Variants in MKLN1 observed in about 807,000 individuals in gnomAD.
MKLN1 encodes muskelin.
Under a neutral mutation model 99.0 loss-of-function variants are expected in MKLN1, and 18 were observed. The observed-to-expected ratio is 0.18, with a 90% CI of 0.13 to 0.27. The LOEUF is 0.27. Ranked by LOEUF, MKLN1 falls within the 10% of genes least tolerant of loss-of-function variation. MKLN1 has a pLI of 1.00. For synonymous variants in MKLN1, 288 were observed against 293.2 expected, an observed-to-expected ratio of 0.98 and a Z score of 0.18; for missense variants, 621 against 875.9, an observed-to-expected ratio of 0.71 and a Z score of 3.67.
At chr7:131,110,097 A>G, upstream of MKLN1, 1 of 282,546 alleles carries the variant, frequency 3.5e-6, no homozygotes, top group South Asian at 2.9e-5. Context: ...GAGGGGAGGA[A>G]CCTGATCCTC....
intron 3 of MKLN1, among the ~76,000 whole-genome samples, chr7:131,250,365 C>A (rs1330120961): frequency 6.6e-6 from 1 of 152,160 alleles, no homozygotes. Flanking sequence ...CCCCCGGTGT[C>A]CCCTAAAGGA....
At chr7:131,300,613 A>G (rs1203304230) in intron 3 of MKLN1, among the ~76,000 whole-genome samples, 1 of 150,528 alleles carries the variant, frequency 6.6e-6, no homozygotes, top group African/African-American at 2.4e-5. Flanking sequence ...CTTGAACTCC[A>G]GAGAAAGAGA....
intron 1 of MKLN1, among the ~76,000 whole-genome samples, chr7:131,333,520 G>A (rs1307247727): frequency 1.3e-5 from 2 of 152,104 alleles, no homozygotes; most frequent in Non-Finnish European, 2.9e-5. Context: ...TGAGTCATGA[G>A]GTAGTTTTGC....
intron 1 of MKLN1, among the ~76,000 whole-genome samples, chr7:131,345,833 C>A (rs1799543408): frequency 6.6e-6 from 1 of 152,144 alleles, no homozygotes; most frequent in Non-Finnish European, 1.5e-5. Context: ...CTTTGAGAAT[C>A]GTATCTAATA....
chr7:131,280,629 C>T (rs1211664332), intron 3 of MKLN1, among the ~76,000 whole-genome samples: 2 of 147,080 alleles, frequency 1.4e-5, no homozygotes, highest in African/African-American at 4.9e-5. Flanking sequence ...ATTATTCATC[C>T]ATGTTTTTTT....
chr7:131,253,420 G>C (rs1318758527), intron 3 of MKLN1, among the ~76,000 whole-genome samples: 1 of 152,198 alleles, frequency 6.6e-6, no homozygotes, highest in Non-Finnish European at 1.5e-5. Context: ...GCAGCCAAGA[G>C]GTGGGTGATC....
At chr7:131,433,717 A>G (rs182177828) in intron 9 of MKLN1, among the ~76,000 whole-genome samples, 5 of 151,984 alleles carry the variant, frequency 3.3e-5, no homozygotes, top group Admixed American at 2.0e-4. Flanking sequence ...TTCTTAACCA[A>G]TATGACACTC....
intron 3 of MKLN1, among the ~76,000 whole-genome samples, chr7:131,287,924 A>G (rs1798157251): frequency 6.6e-6 from 1 of 152,088 alleles, no homozygotes; most frequent in Admixed American, 6.5e-5. Context: ...CGCCATGTGA[A>G]GAAGGTCCTT....
intron 17 of MKLN1, among the ~76,000 whole-genome samples, chr7:131,479,643 A>G (rs1282717119): frequency 1.3e-5 from 2 of 151,194 alleles, no homozygotes; most frequent in East Asian, 3.9e-4. Flanking sequence ...TGGCTAACAC[A>G]GTGAAACCCC....
At chr7:131,393,803 T>C (rs1364195158) in intron 4 of MKLN1, among the ~76,000 whole-genome samples, 1 of 152,120 alleles carries the variant, frequency 6.6e-6, no homozygotes, top group Non-Finnish European at 1.5e-5. Flanking sequence ...TTTTAATTTT[T>C]TTTTGTAGAG....
At chr7:131,432,132 C>T (rs1411511771) in intron 9 of MKLN1, among the ~76,000 whole-genome samples, 1 of 152,092 alleles carries the variant, frequency 6.6e-6, no homozygotes, top group East Asian at 1.9e-4. Context: ...GAATCATATT[C>T]TTTAAAATGT....
At chr7:131,286,599 A>G (rs1798135725) in intron 3 of MKLN1, among the ~76,000 whole-genome samples, 1 of 152,234 alleles carries the variant, frequency 6.6e-6, no homozygotes, top group African/African-American at 2.4e-5. Flanking sequence ...ACAGATGGAC[A>G]AATGGAAGGT....
intron 4 of MKLN1, among the ~76,000 whole-genome samples, chr7:131,389,187 T>C (rs1794121349): frequency 6.6e-6 from 1 of 152,172 alleles, no homozygotes; most frequent in Admixed American, 6.5e-5. Context: ...CCCCTTAAAT[T>C]TACTCTTTGG....
At position 131,354,667 on chromosome 7, in the gene MKLN1, G is replaced by A. The variant is rs185567931; in HGVS notation, c.99-20757G>A. Among the ~76,000 whole-genome samples the A allele has an allele frequency of 3.3e-3, 499 of 152,206 alleles. 3 individuals carry two copies. Among genetic ancestry groups the A allele is most frequent in the African/African-American group, 9.6e-3 (398 of 41,512 alleles). The stretch of plus-strand genomic sequence containing the variant: ...TTTTTCTGGATTTTTGAATTAGGGA[G>A]TGTCTTCTCAGTGACAGGATGTAAA... On this transcript the variant is annotated intron_variant, in intron 1 of 17. Transcript: ENST00000352689.
chr7:131,403,573 T>C (rs897260304), intron 6 of MKLN1, among the ~76,000 whole-genome samples: 1 of 152,210 alleles, frequency 6.6e-6, no homozygotes, highest in Non-Finnish European at 1.5e-5. Context: ...CCTTCCTCCC[T>C]AAGTTTAATT....
intron 2 of MKLN1, among the ~76,000 whole-genome samples, chr7:131,181,797 C>T (rs1796380592): frequency 6.6e-6 from 1 of 151,936 alleles, no homozygotes; most frequent in Non-Finnish European, 1.5e-5. Flanking sequence ...GTAGCTGGGA[C>T]TATAGGCGCA....
chr7:131,461,763 G>A (rs1022982020), intron 12 of MKLN1, among the ~76,000 whole-genome samples: 5 of 152,140 alleles, frequency 3.3e-5, no homozygotes, highest in African/African-American at 7.2e-5. Flanking sequence ...TTAAAACAAT[G>A]ACATTGTTTT....
At chr7:131,451,164 C>A (rs1232597633) in intron 12 of MKLN1, among the ~76,000 whole-genome samples, 1 of 152,166 alleles carries the variant, frequency 6.6e-6, no homozygotes, top group African/African-American at 2.4e-5. Context: ...TAAATTCCCA[C>A]ATTTTTAAAA....
intron 17 of MKLN1, among the ~76,000 whole-genome samples, chr7:131,485,188 C>G (rs1364267463): frequency 1.3e-5 from 2 of 151,946 alleles, no homozygotes; most frequent in Non-Finnish European, 2.9e-5. Context: ...GACACAGAAG[C>G]CAGCTCAAAA....
Sources: allele counts gnomAD v4.1 joint callset (sites outside exome capture counted in the v4.1 genomes callset), GRCh38; gene constraint gnomAD v4.1.1; transcripts MANE v1.5; gene names NCBI Gene and HGNC (gene_info 2026-07-23, HGNC 2026-07-21).